Variants in EFHC1 observed in about 807,000 individuals in gnomAD.
EFHC1 encodes the protein EF-hand domain containing 1.
In EFHC1, 53 loss-of-function variants were observed where a neutral mutation model predicts 69.9. The ratio of observed to expected loss-of-function variants is 0.76; its 90% CI spans 0.61 to 0.95. The LOEUF (loss-of-function observed/expected upper bound fraction) is 0.95, where lower values mean the gene tolerates loss of function less well. Among genes scored for constraint, EFHC1 ranks in the 40% least tolerant of loss-of-function variants. The pLI, the probability that EFHC1 is intolerant of heterozygous loss-of-function variation, is 0.00. For synonymous variants in EFHC1, 256 were observed against 278.4 expected, an observed-to-expected ratio of 0.92 and a Z score of 0.80; for missense variants, 739 against 798.7, an observed-to-expected ratio of 0.93 and a Z score of 0.90.
rs147607695 is a variant in EFHC1, at chr6:52,440,113, C to T, written c.573+1522C>T. 1.4e-4 allele frequency among the ~76,000 whole-genome samples: 22 copies of T among 152,046 alleles called. No homozygotes were observed. The East Asian group carries it at 3.9e-3, about 27-fold the overall frequency. On this transcript the variant is annotated intron_variant, in intron 3 of 10. Transcript: ENST00000371068. ...ACAGTAATTAGGACTATAAAGTCAC[C>T]ACAAACACTGAATTAGTGAATACTG...
In EFHC1 at chr6:52,487,087, A is replaced by G. The variant is rs556077596; in HGVS notation, c.1641-3053A>G. 3.2e-4 allele frequency: 49 copies of G among 152,048 alleles called. 1 individual carries two copies. The East Asian group carries it at 8.3e-3, about 26-fold the overall frequency. 9.4% of individuals were successfully genotyped at this position (152,048 alleles called of 1,614,324 possible). On this transcript the variant is annotated intron_variant, in intron 9 of 10. Coordinates refer to ENST00000371068, the MANE Select transcript of EFHC1 (RefSeq NM_018100.4). ...GGGTCATACCTTCTTTGGCATGACT[A>G]CTCAACTCTACCCTTACAGCGTGAA...
In EFHC1 at chr6:52,495,082, G is replaced by C. The variant is rs749858586; in HGVS notation, c.*2741G>C. The stretch of plus-strand genomic sequence containing the variant: ...ACCCAGTCTGTACCTGATCACCCCG[G>C]CTCTAATGGTATGGTCTCCAAGGCT... On this transcript the variant is annotated 3_prime_UTR_variant, in exon 11 of 11. Transcript: ENST00000371068. 9 of 453,906 alleles carry C rather than the reference G, an allele frequency of 2.0e-5. No individual in the cohort carries two copies. The highest frequency in any genetic ancestry group is 4.0e-5 in the Non-Finnish European group (9 of 226,776). 28.1% of individuals were successfully genotyped at this position (453,906 alleles called of 1,614,324 possible).
intron 2 of EFHC1, among the ~76,000 whole-genome samples, chr6:52,430,625 G>A (rs1429904106): frequency 2.0e-5 from 3 of 152,092 alleles, no homozygotes; most frequent in Non-Finnish European, 4.4e-5. Flanking sequence ...TTTTGTTAAG[G>A]ATTTTAGCAT....
At chr6:52,435,178 G>A (rs1254817131) in intron 2 of EFHC1, among the ~76,000 whole-genome samples, 2 of 152,056 alleles carry the variant, frequency 1.3e-5, no homozygotes, top group Non-Finnish European at 2.9e-5. Flanking sequence ...ATGCCTATTT[G>A]CCATCTCATC....
At chr6:52,478,934 C>A in intron 7 of EFHC1, 103 bp from the exon 8 acceptor site, 1 of 1,092,134 alleles carries the variant, frequency 9.2e-7, no homozygotes, top group Non-Finnish European at 1.4e-6. Context: ...AAAACCCAGA[C>A]TGCTTCATTT....
chr6:52,477,935 G>C (rs553428011), intron 7 of EFHC1, among the ~76,000 whole-genome samples: 5 of 152,102 alleles, frequency 3.3e-5, no homozygotes, highest in Admixed American at 1.3e-4. Flanking sequence ...GGTATATACC[G>C]AAAGGACTAT....
At chr6:52,471,640 C>T (rs947036807) in intron 7 of EFHC1, among the ~76,000 whole-genome samples, 3 of 152,018 alleles carry the variant, frequency 2.0e-5, no homozygotes, top group African/African-American at 7.2e-5. Flanking sequence ...CCAAGGAGGG[C>T]AGATCACTTG....
chr6:52,430,546 C>G (rs1764393087), intron 2 of EFHC1, among the ~76,000 whole-genome samples: 1 of 152,130 alleles, frequency 6.6e-6, no homozygotes, highest in East Asian at 1.9e-4. Context: ...CCCTGCATCC[C>G]TGGTATGAAA....
At chr6:52,471,885 A>G (rs934527983) in intron 7 of EFHC1, among the ~76,000 whole-genome samples, 1 of 151,510 alleles carries the variant, frequency 6.6e-6, no homozygotes, top group African/African-American at 2.4e-5. Flanking sequence ...AATAAAATAA[A>G]TAAATAACTA....
rs1488879764 is a variant in EFHC1, at chr6:52,495,397, C to T, written c.*3056C>T. 2 of 454,032 alleles carry T rather than the reference C, an allele frequency of 4.4e-6. No homozygotes were observed. Among genetic ancestry groups the T allele is most frequent in the Non-Finnish European group, 8.8e-6 (2 of 226,806 alleles). The allele number at this position is 454,032 out of a possible 1,614,324, so 28.1% of individuals were successfully genotyped here. A position where few individuals can be genotyped will look rare whatever the true frequency, so the allele number is the denominator to read the frequency against. ...AGCTTGCACTTTCTGATATTTTCTC[C>T]ATCACTCTTGCCTCCTGTGGTAGAG... On this transcript the variant is annotated 3_prime_UTR_variant, in exon 11 of 11. Coordinates refer to ENST00000371068, the MANE Select transcript of EFHC1 (RefSeq NM_018100.4).
chr6:52,464,882 C>T lies in EFHC1; in HGVS notation c.917-13C>T. 1.2e-6 allele frequency: 2 copies of T among 1,604,992 alleles called. No individual in the cohort carries two copies. Among genetic ancestry groups the T allele is most frequent in the Non-Finnish European group, 1.7e-6 (2 of 1,171,726 alleles). On this transcript the variant is annotated splice_polypyrimidine_tract_variant and intron_variant, in intron 5 of 10. Transcript: ENST00000371068. ...TTCCTTCTTTTTTTCTCTCTAACACCATCTTATATTAGAGAACTTCCCTCA... is the reference window on the plus strand; with the variant it reads ...TTCCTTCTTTTTTTCTCTCTAACACTATCTTATATTAGAGAACTTCCCTCA...
At chr6:52,425,634 A>G (rs1223462866) in intron 2 of EFHC1, among the ~76,000 whole-genome samples, 3 of 152,154 alleles carry the variant, frequency 2.0e-5, no homozygotes, top group Non-Finnish European at 4.4e-5. Flanking sequence ...TTTATTTTCC[A>G]ATTCATTTTA....
intron 2 of EFHC1, among the ~76,000 whole-genome samples, chr6:52,431,622 AT>A (rs1764415887): frequency 6.6e-6 from 1 of 152,166 alleles, no homozygotes; most frequent in African/African-American, 2.4e-5. Context: ...GTGGCCTATC[AT>A]ATGGTCTGTC....
intron 5 of EFHC1, among the ~76,000 whole-genome samples, chr6:52,455,749 G>A (rs1456979660): frequency 6.6e-6 from 1 of 152,152 alleles, no homozygotes; most frequent in Non-Finnish European, 1.5e-5. Flanking sequence ...TAAATTCAAC[G>A]TGTCTGTACA....
intron 4 of EFHC1, chr6:52,453,332 G>A (rs947776385): frequency 7.8e-7 from 1 of 1,287,218 alleles, no homozygotes; most frequent in Admixed American, 2.3e-5. Flanking sequence ...AATGTTCTGA[G>A]CATTTTCCAA....
chr6:52,488,558 C>G (rs1451561973), intron 9 of EFHC1: 2 of 152,118 alleles, frequency 1.3e-5, no homozygotes, highest in Non-Finnish European at 2.9e-5. Flanking sequence ...ACTTGATAGT[C>G]TATCATGAAC....
At chr6:52,462,230 AT>A (rs1448195373) in intron 5 of EFHC1, among the ~76,000 whole-genome samples, 1 of 151,988 alleles carries the variant, frequency 6.6e-6, no homozygotes, top group Non-Finnish European at 1.5e-5. Context: ...AAAAAAAAAT[AT>A]TGTCAGAAAA....
intron 1 of EFHC1, among the ~76,000 whole-genome samples, chr6:52,423,049 GC>G (rs1764224917): frequency 6.6e-6 from 1 of 152,134 alleles, no homozygotes; most frequent in Non-Finnish European, 1.5e-5. Flanking sequence ...ATTGTAATGG[GC>G]AGCTTCAGGC....
rs1478110494 is a variant in EFHC1 at position 52,494,262 on chromosome 6, T to G, written c.*1921T>G. On this transcript the variant is annotated 3_prime_UTR_variant, in exon 11 of 11. Coordinates refer to ENST00000371068, the MANE Select transcript of EFHC1 (RefSeq NM_018100.4). ...GACTATCTGTATTTTAGAAGTTTTT[T>G]CAGCTTAAAAATTACCAAGCTCTAT... The G allele has an allele frequency of 2.2e-6, 1 of 454,174 alleles. No individual in the cohort carries two copies. Among genetic ancestry groups the G allele is most frequent in the South Asian group, 1.6e-5 (1 of 64,484 alleles). The allele number at this position is 454,174 out of a possible 1,614,324, so 28.1% of individuals were successfully genotyped here. A position where few individuals can be genotyped will look rare whatever the true frequency, so the allele number is the denominator to read the frequency against.
Sources: gnomAD v4.1 joint callset for allele counts (sites outside exome capture counted in the v4.1 genomes callset) on GRCh38, gnomAD v4.1.1 for gene constraint, MANE v1.5 for transcripts, NCBI Gene and HGNC (gene_info 2026-07-23, HGNC 2026-07-21) for gene names.